Variants in DOCK10 observed in about 807,000 individuals in gnomAD.
DOCK10 encodes the protein dedicator of cytokinesis protein 10.
In DOCK10, 145 loss-of-function variants were observed where a neutral mutation model predicts 280.1. The observed-to-expected ratio is 0.52, with a 90% CI of 0.45 to 0.59. The LOEUF (loss-of-function observed/expected upper bound fraction) is 0.59. DOCK10 is among the 20% of genes least tolerant of loss of function. The pLI, the probability that DOCK10 is intolerant of heterozygous loss-of-function variation, is 0.00. For missense variants in DOCK10, 2,368 were observed against 2,651.7 expected (o/e 0.89, Z 2.35); for synonymous variants, 915 against 942.2 (o/e 0.97, Z 0.53).
chr2:224,889,296 A>G (rs1222100256), intron 4 of DOCK10, among the ~76,000 whole-genome samples: 1 of 152,210 alleles, frequency 6.6e-6, no homozygotes. Flanking sequence ...GGGCTTCAAA[A>G]TATGCTTACC....
Position 224,765,437 on chromosome 2 carries a change from A to G in DOCK10, c.*284T>C. ...TATGTGTACTAGGACTGGGGTACTG[A>G]CCATACAATAACTGACAGCAAACTT... is the stretch of plus-strand genomic sequence containing the variant. On this transcript the variant is annotated 3_prime_UTR_variant, in exon 56 of 56. Transcript: ENST00000258390. 3.2e-6 allele frequency: 1 copy of G among 315,744 alleles called. No individual in the cohort carries two copies. The allele number at this position is 315,744 out of a possible 1,614,324, so 19.6% of individuals were successfully genotyped here.
At chr2:225,004,795 G>T (rs973048696) in intron 1 of DOCK10, among the ~76,000 whole-genome samples, 3 of 152,186 alleles carry the variant, frequency 2.0e-5, no homozygotes, top group African/African-American at 7.2e-5. Flanking sequence ...CTTCCAGAAT[G>T]CATTTTTTGC....
At chr2:224,884,764 T>C (rs1187149782) in intron 7 of DOCK10, among the ~76,000 whole-genome samples, 1 of 152,250 alleles carries the variant, frequency 6.6e-6, no homozygotes, top group Non-Finnish European at 1.5e-5. Context: ...AGAAAGATGC[T>C]GCATATGTAC....
chr2:224,796,994 C>T lies in DOCK10; in HGVS notation c.4797G>A (p.Lys1599=). Residue 1599 remains lysine, a synonymous_variant, in exon 43 of 56, where the codon AAG becomes AAA. Coordinates refer to ENST00000258390, the MANE Select transcript of DOCK10 (RefSeq NM_014689.3). The part of the protein sequence containing the change: ...FFMRKNFEFN[K]QKSIVRSHLQ... ...AGTGGGACCGGACAATTGACTTCTGCTTGTTAAATTCAAAATTCTTCCTCA... is the reference window on the plus strand; with the variant it reads ...AGTGGGACCGGACAATTGACTTCTGTTTGTTAAATTCAAAATTCTTCCTCA... 1.2e-6 allele frequency: 2 copies of T among 1,613,172 alleles called. No individual in the cohort carries two copies. The highest frequency in any genetic ancestry group is 1.7e-6 in the Non-Finnish European group (2 of 1,179,580).
At chr2:225,006,922 G>A (rs1234366299) in intron 1 of DOCK10, among the ~76,000 whole-genome samples, 1 of 152,188 alleles carries the variant, frequency 6.6e-6, no homozygotes, top group Non-Finnish European at 1.5e-5. Flanking sequence ...TTACACTGAG[G>A]TGTGCTGAGC....
intron 2 of DOCK10, among the ~76,000 whole-genome samples, chr2:224,917,197 C>T (rs533353561): frequency 1.3e-5 from 2 of 148,266 alleles, no homozygotes; most frequent in East Asian, 4.0e-4. Flanking sequence ...CCTCCGCCTC[C>T]CAGGTTCAAG....
At position 224,819,437 on chromosome 2, in the gene DOCK10, G is replaced by A. The variant is rs778573932; in HGVS notation, c.3267+9C>T. ...TTAGAAAACAATCACTCCTGTACGTGGTTCTTACCTTAAGGTCACCGGAGG... is the reference window on the plus strand; with the variant it reads ...TTAGAAAACAATCACTCCTGTACGTAGTTCTTACCTTAAGGTCACCGGAGG... On this transcript the variant is annotated intron_variant, in intron 29 of 55. Transcript: ENST00000258390. 1.9e-6 allele frequency: 3 copies of A among 1,573,138 alleles called. No individual in the cohort carries two copies. The highest frequency in any genetic ancestry group is 4.5e-5 in the East Asian group (2 of 44,188).
chr2:224,823,164 T>G (rs1047004794), intron 28 of DOCK10, among the ~76,000 whole-genome samples: 4 of 151,960 alleles, frequency 2.6e-5, no homozygotes, highest in Admixed American at 6.6e-5. Context: ...ATTTTTGTAT[T>G]TTTAGTAGAC....
At chr2:225,032,147 A>C (rs1028301414) in intron 1 of DOCK10, among the ~76,000 whole-genome samples, 1 of 152,010 alleles carries the variant, frequency 6.6e-6, no homozygotes, top group Non-Finnish European at 1.5e-5. Context: ...AAAGGATAAG[A>C]TCTCCCCAGA....
At chr2:224,867,846 A>G (rs1698029227) in intron 11 of DOCK10, among the ~76,000 whole-genome samples, 1 of 152,220 alleles carries the variant, frequency 6.6e-6, no homozygotes, top group African/African-American at 2.4e-5. Flanking sequence ...CAGGGGCATG[A>G]ATACAGAAAA....
At chr2:224,855,162 G>A (rs1461860419) in intron 15 of DOCK10, 120 bp from the exon 16 acceptor site, 11 of 516,592 alleles carry the variant, frequency 2.1e-5, no homozygotes, top group Non-Finnish European at 3.2e-5. Flanking sequence ...TTTGTTAAGG[G>A]TAAACAGCAG....
chr2:224,775,424 C>G (rs758776715), intron 51 of DOCK10, among the ~76,000 whole-genome samples: 3 of 152,048 alleles, frequency 2.0e-5, no homozygotes, highest in Non-Finnish European at 2.9e-5. Context: ...AATGAATGTT[C>G]AATCGCCTTT....
chr2:225,006,324 C>A (rs947300593), intron 1 of DOCK10, among the ~76,000 whole-genome samples: 3 of 152,198 alleles, frequency 2.0e-5, no homozygotes, highest in African/African-American at 7.2e-5. Flanking sequence ...AGCTGAAAAG[C>A]TTCAAAATCT....
intron 4 of DOCK10, among the ~76,000 whole-genome samples, chr2:224,890,047 C>T (rs76053146): frequency 3.9e-5 from 6 of 152,128 alleles, no homozygotes; most frequent in Admixed American, 2.6e-4. Flanking sequence ...AAGAGTGAAT[C>T]GGGAAAACCA....
chr2:224,769,810 T>G (rs1690294983), intron 55 of DOCK10, among the ~76,000 whole-genome samples: 1 of 152,052 alleles, frequency 6.6e-6, no homozygotes, highest in African/African-American at 2.4e-5. Flanking sequence ...TCATCGTGAG[T>G]ATAGTGTAGA....
At chr2:224,901,738 T>C (rs1021980917) in intron 3 of DOCK10, among the ~76,000 whole-genome samples, 1 of 152,218 alleles carries the variant, frequency 6.6e-6, no homozygotes, top group Non-Finnish European at 1.5e-5. Context: ...CTGAAGGACA[T>C]AGAGAAATGT....
intron 1 of DOCK10, among the ~76,000 whole-genome samples, chr2:224,936,516 T>G (rs1454186286): frequency 9.2e-5 from 14 of 152,102 alleles, no homozygotes; most frequent in Admixed American, 9.2e-4. Flanking sequence ...TAAATCATCA[T>G]GGGTAAGAAA....
chr2:224,829,383 C>A (rs747775174), intron 27 of DOCK10, among the ~76,000 whole-genome samples: 2 of 152,182 alleles, frequency 1.3e-5, no homozygotes, highest in Non-Finnish European at 2.9e-5. Context: ...GTGGAGGTAT[C>A]CTAGTGGGGG....
intron 1 of DOCK10, among the ~76,000 whole-genome samples, chr2:224,958,296 G>T (rs202024807): frequency 6.6e-6 from 1 of 152,212 alleles, no homozygotes; most frequent in East Asian, 1.9e-4. Flanking sequence ...GATCCTAGCT[G>T]CTCATGCATT....
Sources: gnomAD v4.1 joint callset for allele counts (sites outside exome capture counted in the v4.1 genomes callset) on GRCh38, gnomAD v4.1.1 for gene constraint, MANE v1.5 for transcripts, NCBI Gene and HGNC (gene_info 2026-07-23, HGNC 2026-07-21) for gene names.